Variants in KCNH1 observed in about 807,000 individuals in gnomAD.
KCNH1 encodes potassium voltage-gated channel subfamily H member 1.
Under a neutral mutation model 69.2 loss-of-function variants are expected in KCNH1, and 27 were observed. The ratio of observed to expected loss-of-function variants is 0.39; its 90% CI spans 0.29 to 0.54. The LOEUF is 0.54. KCNH1 is among the 20% of genes least tolerant of loss of function. The probability of loss-of-function intolerance (pLI) is 0.68; values close to 1 mark genes in which losing one functional copy is unlikely to be tolerated. For synonymous variants in KCNH1, 456 were observed against 487.7 expected, an observed-to-expected ratio of 0.93 and a Z score of 0.86; for missense variants, 798 against 1,261.6, an observed-to-expected ratio of 0.63 and a Z score of 5.57.
At chr1:210,933,615 T>C (rs923477131) in intron 6 of KCNH1, among the ~76,000 whole-genome samples, 1 of 150,616 alleles carries the variant, frequency 6.6e-6, no homozygotes, top group Non-Finnish European at 1.5e-5. Flanking sequence ...TTTCAAAAGA[T>C]AAACAAAATC....
intron 5 of KCNH1, among the ~76,000 whole-genome samples, chr1:211,049,751 G>C (rs1195447125): frequency 6.6e-6 from 1 of 152,114 alleles, no homozygotes; most frequent in Non-Finnish European, 1.5e-5. Context: ...GCTTGAACTG[G>C]GGAGTAACAT....
chr1:211,131,249 A>C (rs948922837), intron 1 of KCNH1, among the ~76,000 whole-genome samples: 7 of 152,218 alleles, frequency 4.6e-5, no homozygotes, highest in Non-Finnish European at 8.8e-5. Flanking sequence ...CAAATAACCC[A>C]AAATGAAGTC....
chr1:210,892,927 G>C (rs1012053146), intron 7 of KCNH1, among the ~76,000 whole-genome samples: 3 of 152,130 alleles, frequency 2.0e-5, no homozygotes, highest in African/African-American at 4.8e-5. Context: ...TATACAAGTA[G>C]ACAATTATAT....
At chr1:211,099,321 A>G (rs886174328) in intron 3 of KCNH1, among the ~76,000 whole-genome samples, 2 of 151,830 alleles carry the variant, frequency 1.3e-5, no homozygotes, top group Non-Finnish European at 2.9e-5. Flanking sequence ...TTTTCTTTAT[A>G]TTTTTTGCAT....
At chr1:210,801,773 G>A (rs1030152815) in intron 8 of KCNH1, among the ~76,000 whole-genome samples, 1 of 152,236 alleles carries the variant, frequency 6.6e-6, no homozygotes, top group African/African-American at 2.4e-5. Context: ...GCATTGTTGA[G>A]AGAACACAGC....
chr1:210,965,280 G>T (rs562334575), intron 6 of KCNH1, among the ~76,000 whole-genome samples: 2 of 152,020 alleles, frequency 1.3e-5, no homozygotes, highest in Non-Finnish European at 2.9e-5. Context: ...GAAATAAAGG[G>T]TATTTAATTA....
chr1:211,061,589 AC>A (rs1330873022), intron 5 of KCNH1, among the ~76,000 whole-genome samples: 1 of 152,190 alleles, frequency 6.6e-6, no homozygotes, highest in Non-Finnish European at 1.5e-5. Flanking sequence ...CATTAAAAAA[AC>A]TATTAGAACA....
At chr1:211,072,489 A>G (rs1159425103) in intron 5 of KCNH1, among the ~76,000 whole-genome samples, 1 of 152,214 alleles carries the variant, frequency 6.6e-6, no homozygotes, top group Non-Finnish European at 1.5e-5. Context: ...TTTTTAACTA[A>G]TCTAACAGAT....
In KCNH1 at chr1:211,032,582, G is replaced by C. The variant is rs555915118; in HGVS notation, c.559-13326C>G. Among the ~76,000 whole-genome samples, 3 of 152,254 alleles carry C rather than the reference G, an allele frequency of 2.0e-5. No individual in the cohort carries two copies. In the East Asian group the frequency reaches 5.8e-4, roughly 29 times the overall value. On this transcript the variant is annotated intron_variant, in intron 5 of 10. Transcript: ENST00000271751. ...AACAGAGATATAGACTGATGCAACAGAACAGAGCCCTCAGAAATAATGCCA... is the reference window on the plus strand; with the variant it reads ...AACAGAGATATAGACTGATGCAACACAACAGAGCCCTCAGAAATAATGCCA...
At chr1:210,823,715 A>T (rs1684978404) in intron 7 of KCNH1, among the ~76,000 whole-genome samples, 1 of 152,210 alleles carries the variant, frequency 6.6e-6, no homozygotes, top group Non-Finnish European at 1.5e-5. Flanking sequence ...TCTCTATTTT[A>T]AATATTTGGA....
chr1:210,957,094 G>A (rs148060655), intron 6 of KCNH1, among the ~76,000 whole-genome samples: 75 of 151,910 alleles, frequency 4.9e-4, no homozygotes, highest in Middle Eastern at 3.4e-3. Flanking sequence ...GCTGTGTCCC[G>A]GAGAATCTGG....
intron 6 of KCNH1, among the ~76,000 whole-genome samples, chr1:210,994,461 T>C (rs962625728): frequency 2.0e-5 from 3 of 152,116 alleles, no homozygotes; most frequent in African/African-American, 7.2e-5. Context: ...TAAAGAATAT[T>C]GTAGGAATGC....
intron 6 of KCNH1, among the ~76,000 whole-genome samples, chr1:210,920,649 C>T (rs4951685): frequency 0.084 from 11,940 of 141,658 alleles, 669 homozygotes; most frequent in South Asian, 0.19. Context: ...TTCTATATTA[C>T]TTTTATAATT....
intron 1 of KCNH1, among the ~76,000 whole-genome samples, chr1:211,115,700 C>CATATATATATAT (rs1558611335): frequency 3.7e-5 from 2 of 53,968 alleles, no homozygotes; most frequent in Admixed American, 3.3e-4. Context: ...AATAAACTCC[C>CATATATATATAT]CTATATATAT....
chr1:210,842,808 A>C (rs1685438763), intron 7 of KCNH1, among the ~76,000 whole-genome samples: 1 of 152,046 alleles, frequency 6.6e-6, no homozygotes, highest in Admixed American at 6.6e-5. Flanking sequence ...CCTATAGCTA[A>C]AGTTGTTTTT....
intron 10 of KCNH1, among the ~76,000 whole-genome samples, chr1:210,713,423 T>C (rs1682127835): frequency 6.6e-6 from 1 of 152,054 alleles, no homozygotes; most frequent in Admixed American, 6.6e-5. Context: ...TTGGGGAATG[T>C]GGTCTGTTCT....
At chr1:210,995,111 C>G (rs566114038) in intron 6 of KCNH1, among the ~76,000 whole-genome samples, 168 of 152,144 alleles carry the variant, frequency 1.1e-3, no homozygotes, top group African/African-American at 3.9e-3. Context: ...AACTATATTC[C>G]TTCCATTCTC....
chr1:210,928,569 T>C (rs1176797036), intron 6 of KCNH1, among the ~76,000 whole-genome samples: 1 of 152,200 alleles, frequency 6.6e-6, no homozygotes, highest in Non-Finnish European at 1.5e-5. Context: ...GCAAAAGCAG[T>C]GTTAAGAGGA....
chr1:210,996,287 A>C (rs1004077180), intron 6 of KCNH1, among the ~76,000 whole-genome samples: 1 of 152,202 alleles, frequency 6.6e-6, no homozygotes, highest in Non-Finnish European at 1.5e-5. Context: ...TCCCACCCTA[A>C]TAGTGCGCTT....
Sources: allele counts gnomAD v4.1 joint callset (sites outside exome capture counted in the v4.1 genomes callset), GRCh38; gene constraint gnomAD v4.1.1; transcripts MANE v1.5; gene names NCBI Gene and HGNC (gene_info 2026-07-23, HGNC 2026-07-21).